The following PDE1A variants were observed in gnomAD, a reference collection of about 807,000 sequenced individuals.
The protein encoded by PDE1A is dual specificity calcium/calmodulin-dependent 3',5'-cyclic nucleotide phosphodiesterase 1A.
In PDE1A, 35 loss-of-function variants were observed where a neutral mutation model predicts 61.7. That is an observed-to-expected ratio of 0.57 (90% CI 0.43 to 0.75). PDE1A has a LOEUF of 0.75. Ranked by LOEUF, PDE1A falls within the 30% of genes least tolerant of loss-of-function variation. The pLI is 0.00. For synonymous variants in PDE1A, 232 were observed against 213.2 expected, an observed-to-expected ratio of 1.09 and a Z score of -0.77; for missense variants, 597 against 630.6, an observed-to-expected ratio of 0.95 and a Z score of 0.57.
At chr2:182,343,440 C>T (rs957311637) in intron 1 of PDE1A, among the ~76,000 whole-genome samples, 1 of 152,136 alleles carries the variant, frequency 6.6e-6, no homozygotes, top group Admixed American at 6.5e-5. Flanking sequence ...CCATAAGCAG[C>T]AGACCTAACT....
the PDE1A span, among the ~76,000 whole-genome samples, chr2:182,614,511 A>G: frequency 6.6e-6 from 1 of 151,484 alleles, no homozygotes; most frequent in Non-Finnish European, 1.5e-5. Context: ...TATTTATGTA[A>G]GTTATCACTT....
intron 1 of PDE1A, among the ~76,000 whole-genome samples, chr2:182,367,943 C>A (rs916520334): frequency 8.6e-5 from 13 of 151,974 alleles, no homozygotes; most frequent in Admixed American, 2.0e-4. Flanking sequence ...ACCCATGAAA[C>A]CAACACCACT....
exon 15 of PDE1A, chr2:182,141,008 C>A (rs1690206151): frequency 6.7e-6 from 1 of 150,198 alleles, no homozygotes; most frequent in South Asian, 2.1e-4. Flanking sequence ...TTATAAGTCG[C>A]ATAACCTGGA....
At chr2:182,692,933 T>G in the PDE1A span, among the ~76,000 whole-genome samples, 1 of 152,034 alleles carries the variant, frequency 6.6e-6, no homozygotes, top group South Asian at 2.1e-4. Context: ...ATAAATCTAG[T>G]TTCCATTTTT....
chr2:182,623,648 C>G, the PDE1A span, among the ~76,000 whole-genome samples: 2 of 152,146 alleles, frequency 1.3e-5, no homozygotes, highest in Non-Finnish European at 2.9e-5. Context: ...GAGTGGAGGG[C>G]AGGTCTTGCA....
At chr2:182,222,021 C>G (rs901309698) in intron 7 of PDE1A, among the ~76,000 whole-genome samples, 12 of 151,904 alleles carry the variant, frequency 7.9e-5, no homozygotes, top group Non-Finnish European at 1.6e-4. Context: ...ACTCCCACAT[C>G]TGGAAAATCA....
At chr2:182,465,529 C>T (rs1686601817) in intron 2 of PDE1A, among the ~76,000 whole-genome samples, 1 of 151,896 alleles carries the variant, frequency 6.6e-6, no homozygotes, top group African/African-American at 2.4e-5. Flanking sequence ...AAATAAGATA[C>T]TCTTTGGTTT....
At chr2:182,217,010 T>TC (rs1688237374) in intron 7 of PDE1A, among the ~76,000 whole-genome samples, 1 of 28,556 alleles carries the variant, frequency 3.5e-5, no homozygotes, top group Admixed American at 4.9e-4. Context: ...CTACCTGACT[T>TC]CAAACTATAC....
intron 13 of PDE1A, among the ~76,000 whole-genome samples, chr2:182,152,176 C>G (rs980530297): frequency 2.0e-5 from 3 of 152,058 alleles, no homozygotes; most frequent in Non-Finnish European, 2.9e-5. Flanking sequence ...AGGCATATCT[C>G]TAGGTTGCTT....
chr2:182,304,948 T>C (rs1217032377), intron 1 of PDE1A, among the ~76,000 whole-genome samples: 1 of 152,180 alleles, frequency 6.6e-6, no homozygotes, highest in Non-Finnish European at 1.5e-5. Context: ...AGTGTTGCCA[T>C]AAACCTCCAA....
intron 1 of PDE1A, among the ~76,000 whole-genome samples, chr2:182,299,522 G>T (rs767486788): frequency 2.0e-5 from 3 of 148,876 alleles, no homozygotes; most frequent in Non-Finnish European, 3.0e-5. Context: ...GTCCAGGATG[G>T]TCATCTCCAT....
At chr2:182,655,181 C>A in the PDE1A span, among the ~76,000 whole-genome samples, 1 of 152,146 alleles carries the variant, frequency 6.6e-6, no homozygotes, top group African/African-American at 2.4e-5. Context: ...AGGGCTCTCC[C>A]CGGGAACAGA....
intron 11 of PDE1A, among the ~76,000 whole-genome samples, chr2:182,187,737 C>CTTTTTTTTTTTTTTTTTTTTT (rs1038970569): frequency 1.2e-4 from 8 of 66,382 alleles, no homozygotes; most frequent in East Asian, 5.5e-4. Context: ...TTTTTTTGTT[C>CTTTTTTTTTTTTTTTTTTTTT]TTTTTTTTTT....
the PDE1A span, among the ~76,000 whole-genome samples, chr2:182,714,465 T>C: frequency 1.3e-5 from 2 of 152,182 alleles, no homozygotes; most frequent in African/African-American, 4.8e-5. Context: ...ATCTTTTCCC[T>C]AAACAGATCT....
chr2:182,496,369 A>C (rs1395412273), intron 2 of PDE1A, among the ~76,000 whole-genome samples: 1 of 152,240 alleles, frequency 6.6e-6, no homozygotes, highest in African/African-American at 2.4e-5. Context: ...ACAAATTGTA[A>C]TGTGGTTATG....
upstream of PDE1A, chr2:182,522,903 G>A (rs950712674): frequency 1.3e-5 from 2 of 152,790 alleles, no homozygotes; most frequent in African/African-American, 4.8e-5. Context: ...AAAAGTGCCT[G>A]TTTAAATGCC....
rs146352850 is a variant in PDE1A, at chr2:182,152,352, A to G, written c.1517-5200T>C. ...ATCCATATAATGTAGTTTGCCTTAC[A>G]TGCTGGGATAAAGAAATCTATTTTA... On this transcript the variant is annotated intron_variant, in intron 13 of 13. Coordinates refer to the PDE1A transcript ENST00000409365. 1.1e-3 allele frequency among the ~76,000 whole-genome samples: 171 copies of G among 151,368 alleles called. 1 individual carries two copies. The highest frequency in any genetic ancestry group is 4.1e-3 in the African/African-American group (168 of 41,264).
intron 11 of PDE1A, among the ~76,000 whole-genome samples, chr2:182,187,737 C>CTTTTTTTTTTTTTTTTTTTTTT (rs1038970569): frequency 1.1e-4 from 7 of 66,382 alleles, no homozygotes; most frequent in Non-Finnish European, 1.3e-4. Flanking sequence ...TTTTTTTGTT[C>CTTTTTTTTTTTTTTTTTTTTTT]TTTTTTTTTT....
At chr2:182,455,148 A>G (rs1306811205) in intron 2 of PDE1A, among the ~76,000 whole-genome samples, 1 of 152,092 alleles carries the variant, frequency 6.6e-6, no homozygotes, top group Non-Finnish European at 1.5e-5. Flanking sequence ...CAAAAAACAC[A>G]TGAAAAAATG....
Sources: gnomAD v4.1 joint callset for allele counts (sites outside exome capture counted in the v4.1 genomes callset) on GRCh38, gnomAD v4.1.1 for gene constraint, MANE v1.5 for transcripts, NCBI Gene and HGNC (gene_info 2026-07-23, HGNC 2026-07-21) for gene names.